The following KIF1A variants were observed in gnomAD, a reference collection of about 807,000 sequenced individuals.
The protein encoded by KIF1A is kinesin family member 1A, also known as kinesin-like protein KIF1A.
In KIF1A, 46 loss-of-function variants were observed where a neutral mutation model predicts 227.3. That is an observed-to-expected ratio of 0.20 (90% CI 0.16 to 0.26). The LOEUF (loss-of-function observed/expected upper bound fraction) is 0.26, where lower values mean the gene tolerates loss of function less well. KIF1A is among the 10% of genes least tolerant of loss of function. The pLI, the probability that KIF1A is intolerant of heterozygous loss-of-function variation, is 1.00. For missense variants in KIF1A, 1,683 were observed against 2,485.9 expected, an observed-to-expected ratio of 0.68 and a Z score of 6.87; for synonymous variants, 1,022 against 1,012.8, an observed-to-expected ratio of 1.01 and a Z score of -0.17.
rs375180690 is a variant in KIF1A, at chr2:240,769,193, G to T, written c.1437C>A (p.Ala479=). The T allele has an allele frequency of 1.4e-5, 23 of 1,609,640 alleles. No individual in the cohort carries two copies. In the Admixed American group the frequency reaches 2.2e-4, roughly 15 times the overall value. ...CCTCCCTCATGGCCACACCCATCTC[G>T]GCCAGCAGGGCTTCCCTGGGGGAAC... The part of the protein sequence containing the change: ...AIRMEREALL[A]EMGVAMREDG... The change falls in exon 17 of 49, where the codon GCC becomes GCA. Residue 479 remains alanine (A), a synonymous_variant. Transcript: ENST00000498729.
intron 38 of KIF1A, among the ~76,000 whole-genome samples, chr2:240,731,210 C>T (rs1364656126): frequency 6.6e-6 from 1 of 151,798 alleles, no homozygotes; most frequent in African/African-American, 2.4e-5. Context: ...AGCTGGATTT[C>T]AAAGCCCACC....
intron 20 of KIF1A, among the ~76,000 whole-genome samples, chr2:240,763,598 T>C (rs1210924544): frequency 1.3e-5 from 2 of 152,202 alleles, no homozygotes; most frequent in Non-Finnish European, 2.9e-5. Flanking sequence ...GCTTCTGCTG[T>C]GCTCCAGTGT....
At chr2:240,720,861 C>A in intron 45 of KIF1A, 53 bp downstream of exon 45, 1 of 1,500,376 alleles carries the variant, frequency 6.7e-7, no homozygotes, top group Non-Finnish European at 9.0e-7. Context: ...CGGCCATGGT[C>A]ATGGGTCAGC....
Position 240,761,261 on chromosome 2 carries a change from C to A in KIF1A, c.2233G>T (p.Ala745Ser), listed in dbSNP as rs1384214619. Residue 745 changes from alanine (A) to serine (S), a missense_variant, in exon 24 of 49, where the codon GCC (alanine) becomes TCC (serine). Physicochemically the swap from Ala to Ser is moderately conservative, Grantham distance 99. Around this residue, in one of 12 missense-constraint regions of KIF1A, gnomAD observed 217 missense variants for 427.0 expected, o/e 0.51. Coordinates refer to ENST00000498729, the MANE Select transcript of KIF1A (RefSeq NM_001244008.2). ...TTCAGCTCCACGCTGATGGCATTGG[C>A]CTCCTTGAGGAAGATGGCGTTGCCC... is the stretch of plus-strand genomic sequence containing the variant. ...LWGNAIFLKE[A>S]NAISVELKKK... 10 of 1,613,530 alleles carry A rather than the reference C, an allele frequency of 6.2e-6. No individual in the cohort carries two copies. Among genetic ancestry groups the A allele is most frequent in the Non-Finnish European group, 8.5e-6 (10 of 1,179,698 alleles).
rs1169295835 is a variant in KIF1A, at chr2:240,718,052, T to G, written c.5331A>C (p.Ile1777=). The change falls in exon 48 of 49, where the codon ATA becomes ATC. Residue 1777 remains isoleucine, a splice_region_variant and synonymous_variant. Transcript: ENST00000498729. Reference sequence around the variant, plus strand: ...CCTCGCCCTGCAGGCGGCCCTACCGTATGGTCCCGGCCAGGAGGGGGTTGA... The same window carrying G: ...CCTCGCCCTGCAGGCGGCCCTACCGGATGGTCCCGGCCAGGAGGGGGTTGA... ...YAFNPLLAGT[I]RSKLSRRRSA... is the part of the protein sequence containing the mutation. 6.2e-7 allele frequency: 1 copy of G among 1,601,502 alleles called. No individual in the cohort carries two copies. Among genetic ancestry groups the G allele is most frequent in the Non-Finnish European group, 8.5e-7 (1 of 1,172,784 alleles).
At chr2:240,734,666 G>A in intron 38 of KIF1A, 1 of 1,282,812 alleles carries the variant, frequency 7.8e-7, no homozygotes, top group South Asian at 1.2e-5. Flanking sequence ...GAGCAGGGAG[G>A]AAAGAAGAGG....
intron 10 of KIF1A, chr2:240,782,048 C>T (rs1312415739): frequency 3.0e-6 from 3 of 985,434 alleles, no homozygotes; most frequent in East Asian, 1.1e-4. Context: ...TGGCTCACTC[C>T]GTTCCTGCCG....
intron 28 of KIF1A, among the ~76,000 whole-genome samples, chr2:240,748,430 C>T (rs1166681657): frequency 1.6e-4 from 24 of 152,132 alleles, no homozygotes; most frequent in Admixed American, 1.0e-3. Context: ...ATGGGCCGGC[C>T]CCACGGCCTC....
At chr2:240,770,282 A>C (rs1388648346) in intron 15 of KIF1A, among the ~76,000 whole-genome samples, 1 of 152,146 alleles carries the variant, frequency 6.6e-6, no homozygotes, top group Non-Finnish European at 1.5e-5. Context: ...AGAAACCTAA[A>C]ATGATCCCGG....
chr2:240,719,140 C>T lies in KIF1A; in HGVS notation c.5080G>A (p.Ala1694Thr). 6.2e-7 allele frequency: 1 copy of T among 1,612,568 alleles called. No individual in the cohort carries two copies. Among genetic ancestry groups the T allele is most frequent in the Non-Finnish European group, 8.5e-7 (1 of 1,179,710 alleles). ...HFLEPHTSGW[A>T]RRFVVVRRPY... ...CGCCGCACCACCACGAAGCGCCTGG[C>T]CCAGCCTGACGTGTGCGGCTCCAGG... The change falls in exon 47 of 49, where the codon GCC becomes ACC. Residue 1694 changes from alanine to threonine, a missense_variant. Around this residue, in one of 12 missense-constraint regions of KIF1A, gnomAD observed 384 missense variants for 410.1 expected, o/e 0.94. Transcript: ENST00000498729.
In KIF1A at chr2:240,736,914, C is replaced by T. The variant is rs1003355801; in HGVS notation, c.4007+149G>A. 6 of 660,732 alleles carry T rather than the reference C, an allele frequency of 9.1e-6. No homozygotes were observed. The highest frequency in any genetic ancestry group is 2.9e-4 in the Middle Eastern group (1 of 3,412). 40.9% of individuals were successfully genotyped at this position (660,732 alleles called of 1,614,324 possible). A position where few individuals can be genotyped will look rare whatever the true frequency, so the allele number is the denominator to read the frequency against. The stretch of plus-strand genomic sequence containing the variant: ...GGGTGCAGAGGCCACCAGCCCCTCA[C>T]CGCACAGCTCCTGCAGGTGCCAGGA... On this transcript the variant is annotated intron_variant, in intron 38 of 48. Transcript: ENST00000498729. The surrounding 1 kb of genome is among the most constrained non-coding windows in gnomAD (Gnocchi z 4.7).
At chr2:240,771,275 C>A in intron 14 of KIF1A, 171 bp from the exon 15 acceptor site, 1 of 799,838 alleles carries the variant, frequency 1.3e-6, no homozygotes, top group African/African-American at 1.7e-5. Context: ...CCAGAGAAGG[C>A]AAGAAACAGA....
At chr2:240,797,952 A>C (rs2056583712) in intron 1 of KIF1A, 140 bp from the exon 2 acceptor site, 1 of 535,410 alleles carries the variant, frequency 1.9e-6, no homozygotes, top group Middle Eastern at 4.2e-4. Context: ...GGAATCCACA[A>C]GGAGAGGAGG....
At chr2:240,807,045 C>T (rs1312853156) in intron 1 of KIF1A, among the ~76,000 whole-genome samples, 2 of 148,378 alleles carry the variant, frequency 1.3e-5, no homozygotes, top group African/African-American at 2.5e-5. Context: ...AGCTGGTGTA[C>T]TATTTGCATT....
At chr2:240,761,488 T>G in intron 23 of KIF1A, 111 bp from the exon 24 acceptor site, 1 of 1,010,102 alleles carries the variant, frequency 9.9e-7, no homozygotes, top group Non-Finnish European at 1.4e-6. Flanking sequence ...CTGCCTAAGC[T>G]GACCCTGTGC....
intron 10 of KIF1A, among the ~76,000 whole-genome samples, chr2:240,780,800 A>ACACACACACACACACACACACAGCTC: frequency 3.8e-5 from 1 of 26,162 alleles, no homozygotes; most frequent in African/African-American, 2.7e-4. Flanking sequence ...ACACAGCTCC[A>ACACACACACACACACACACACAGCTC]CACACACACA....
At chr2:240,805,588 G>C (rs2057346627) in intron 1 of KIF1A, among the ~76,000 whole-genome samples, 1 of 152,162 alleles carries the variant, frequency 6.6e-6, no homozygotes, top group Admixed American at 6.5e-5. Flanking sequence ...GGTAGATCAA[G>C]CAGATATATA....
At position 240,786,403 on chromosome 2, in the gene KIF1A, G is replaced by T; in HGVS notation, c.540C>A (p.Asp180Glu). 6.2e-7 allele frequency: 1 copy of T among 1,613,672 alleles called. No individual in the cohort carries two copies. Among genetic ancestry groups the T allele is most frequent in the Non-Finnish European group, 8.5e-7 (1 of 1,179,786 alleles). The stretch of plus-strand genomic sequence containing the variant: ...AGGAGGTGACAGCCAGCTTGGAGAG[G>T]TCCTCCACGTAGGGCCCCAGCAGTG... ...EHPLLGPYVE[D>E]LSKLAVTSYN... is the part of the protein sequence containing the mutation. Residue 180 changes from aspartate (D) to glutamate (E), a missense_variant, in exon 6 of 49, where the codon GAC (aspartate) becomes GAA (glutamate). Transcript: ENST00000498729.
rs560872752 is a variant in KIF1A at position 240,805,999 on chromosome 2, C to A, written c.-60-8187G>T. Among the ~76,000 whole-genome samples, 5 of 152,338 alleles carry A rather than the reference C, an allele frequency of 3.3e-5. 1 individual carries two copies. The highest frequency in any genetic ancestry group is 1.2e-4 in the African/African-American group (5 of 41,572). ...CCCAGGGACCAGGCTTAACCTCTCA[C>A]TGTAAACAATAACTAGCAAAGAAGA... is the stretch of plus-strand genomic sequence containing the variant. On this transcript the variant is annotated intron_variant, in intron 1 of 48. Transcript: ENST00000498729.
Sources: allele counts gnomAD v4.1 joint callset (sites outside exome capture counted in the v4.1 genomes callset), GRCh38; gene constraint gnomAD v4.1.1; regional missense constraint gnomAD v4.1.1; non-coding constraint Gnocchi (gnomAD v3.1); transcripts MANE v1.5; gene names NCBI Gene and HGNC (gene_info 2026-07-23, HGNC 2026-07-21).